The following MCC variants were observed in gnomAD, a reference collection of about 807,000 sequenced individuals.
MCC encodes colorectal mutant cancer protein.
In MCC, 90 loss-of-function variants were observed where a neutral mutation model predicts 116.2. That is an observed-to-expected ratio of 0.77 (90% confidence interval 0.65 to 0.92). The LOEUF is 0.92. MCC is among the 40% of genes least tolerant of loss of function. MCC has a pLI of 0.00. For synonymous variants in MCC, 578 were observed against 510.5 expected, an observed-to-expected ratio of 1.13 and a Z score of -1.78; for missense variants, 1,516 against 1,312.2, an observed-to-expected ratio of 1.16 and a Z score of -2.40.
intron 3 of MCC, among the ~76,000 whole-genome samples, chr5:113,273,108 AAAG>A (rs1765677076): frequency 6.6e-6 from 1 of 152,270 alleles, no homozygotes; most frequent in African/African-American, 2.4e-5. Flanking sequence ...AAGAAAAATA[AAAG>A]AATATCTTAA....
chr5:113,266,496 T>A (rs1440689713), intron 3 of MCC, among the ~76,000 whole-genome samples: 3 of 152,218 alleles, frequency 2.0e-5, no homozygotes, highest in African/African-American at 7.2e-5. Flanking sequence ...TTTGTATTTA[T>A]CTGGGAGAGG....
rs952192131 is a variant in MCC at position 113,434,696 on chromosome 5, G to C, written c.171-49484C>G. ...GGAATTTCTCCAAGAAGTCTGCGGG[G>C]GCCTTCTTGCGGTCGATGATCTTGA... On this transcript the variant is annotated intron_variant, in intron 1 of 18. Coordinates refer to ENST00000408903, the MANE Select transcript of MCC (RefSeq NM_001085377.2). The surrounding 1 kb of genome is among the most constrained non-coding windows in gnomAD (Gnocchi z 4.2). The C allele has an allele frequency of 3.7e-6, 6 of 1,613,874 alleles. No homozygotes were observed. Among genetic ancestry groups the C allele is most frequent in the Admixed American group, 1.7e-5 (1 of 59,998 alleles).
At chr5:113,092,259 G>T (rs892222613) in intron 8 of MCC, among the ~76,000 whole-genome samples, 5 of 152,168 alleles carry the variant, frequency 3.3e-5, no homozygotes, top group Non-Finnish European at 7.3e-5. Flanking sequence ...GAGGGAAGCA[G>T]GAGTGCCAGA....
At position 113,465,389 on chromosome 5, in the gene MCC, A is replaced by G. The variant is rs116398391; in HGVS notation, c.170+22856T>C. 5.8e-3 allele frequency among the ~76,000 whole-genome samples: 878 copies of G among 152,248 alleles called. 7 individuals carry two copies. The highest frequency in any genetic ancestry group is 0.02 in the African/African-American group (819 of 41,550). ...TCATATACACAAAAATTCCTGAGGC[A>G]TTAGATATTTAACTCCAAAATAAAC... On this transcript the variant is annotated intron_variant, in intron 1 of 18. Transcript: ENST00000408903.
At chr5:113,101,363 A>C in intron 8 of MCC, 1 of 187,748 alleles carries the variant, frequency 5.3e-6, no homozygotes, top group Non-Finnish European at 1.1e-5. Context: ...TTATAGAAAA[A>C]AATTAAAAAG....
At chr5:113,319,777 C>G (rs894776241) in intron 3 of MCC, among the ~76,000 whole-genome samples, 17 of 152,138 alleles carry the variant, frequency 1.1e-4, no homozygotes, top group Admixed American at 3.9e-4. Flanking sequence ...TATTGTTTAC[C>G]AGGCTTCCTG....
At chr5:113,056,827 G>C (rs976244056) in intron 14 of MCC, among the ~76,000 whole-genome samples, 4 of 152,184 alleles carry the variant, frequency 2.6e-5, no homozygotes, top group Non-Finnish European at 4.4e-5. Context: ...AAATATTGGA[G>C]TGCCTACTAT....
At chr5:113,294,338 C>G (rs1766633711) in intron 3 of MCC, 7 of 1,613,848 alleles carry the variant, frequency 4.3e-6, no homozygotes, top group Non-Finnish European at 5.9e-6. Flanking sequence ...CCTCACTCAG[C>G]TCGGCCGAGG....
Position 113,193,681 on chromosome 5 carries a change from TTC to T in MCC, c.628-42261_628-42260del, listed in dbSNP as rs1275275120. On this transcript the variant is annotated intron_variant, in intron 3 of 18. Transcript: ENST00000408903. ...AATAAAATTTGTTCCCCACCTCCAA[TTC>T]TGTTTCTCCTAGGAAACCGCTTCAT... is the stretch of plus-strand genomic sequence containing the variant. 2.0e-5 allele frequency among the ~76,000 whole-genome samples: 3 copies of T among 152,304 alleles called. No individual in the cohort carries two copies. The East Asian group carries it at 5.8e-4, about 29-fold the overall frequency.
At chr5:113,299,781 G>A (rs1488318105) in intron 3 of MCC, among the ~76,000 whole-genome samples, 1 of 152,206 alleles carries the variant, frequency 6.6e-6, no homozygotes, top group Non-Finnish European at 1.5e-5. Flanking sequence ...AGAGGTGTGG[G>A]CAGGAGGTGG....
At chr5:113,087,083 A>G (rs889514202) in intron 8 of MCC, among the ~76,000 whole-genome samples, 14 of 152,234 alleles carry the variant, frequency 9.2e-5, no homozygotes, top group Non-Finnish European at 1.6e-4. Flanking sequence ...CCTGCCGCCA[A>G]AAGTCTTCTA....
At chr5:113,299,290 CTCAAAAAAAAAAAA>C (rs1766791748) in intron 3 of MCC, among the ~76,000 whole-genome samples, 1 of 65,608 alleles carries the variant, frequency 1.5e-5, no homozygotes, top group African/African-American at 5.4e-5. Context: ...GAGACTCCGT[CTCAAAAAAAAAAAA>C]AAAAAAAAAA....
chr5:113,041,530 G>A (rs1010155899), intron 17 of MCC, among the ~76,000 whole-genome samples: 1 of 152,236 alleles, frequency 6.6e-6, no homozygotes, highest in Non-Finnish European at 1.5e-5. Flanking sequence ...TTGGCTACCA[G>A]AACAGGAGGG....
intron 3 of MCC, among the ~76,000 whole-genome samples, chr5:113,333,789 T>TTATA (rs754947221): frequency 9.9e-5 from 1 of 10,058 alleles, no homozygotes; most frequent in African/African-American, 1.8e-4. Flanking sequence ...TCATATATAT[T>TTATA]TATATATATA....
At chr5:113,488,187 A>G in intron 1 of MCC, 58 bp downstream of exon 1, 1 of 1,545,754 alleles carries the variant, frequency 6.5e-7, no homozygotes, top group Non-Finnish European at 8.7e-7. Flanking sequence ...GCAGGGGTCA[A>G]GGGCGCGCGG....
chr5:113,388,434 T>C (rs1769325095), intron 1 of MCC, among the ~76,000 whole-genome samples: 1 of 152,210 alleles, frequency 6.6e-6, no homozygotes, highest in Non-Finnish European at 1.5e-5. Flanking sequence ...TCTACAATGT[T>C]GGAGGTGGGG....
intron 17 of MCC, among the ~76,000 whole-genome samples, chr5:113,042,972 C>T (rs1406309996): frequency 6.6e-6 from 1 of 151,894 alleles, no homozygotes; most frequent in Admixed American, 6.6e-5. Flanking sequence ...CTGTAGCACC[C>T]GGGGAAAAAG....
chr5:113,313,078 G>A (rs1156258788), intron 3 of MCC, among the ~76,000 whole-genome samples: 1 of 152,132 alleles, frequency 6.6e-6, no homozygotes, highest in African/African-American at 2.4e-5. Flanking sequence ...CTGGCATGGT[G>A]ACTCATGCCT....
intron 8 of MCC, among the ~76,000 whole-genome samples, chr5:113,088,175 C>A (rs969176866): frequency 6.6e-6 from 1 of 151,964 alleles, no homozygotes. Flanking sequence ...GGAAACAAAC[C>A]CAGCTGAAGG....
Sources: gnomAD v4.1 joint callset for allele counts (sites outside exome capture counted in the v4.1 genomes callset) on GRCh38, gnomAD v4.1.1 for gene constraint, Gnocchi (gnomAD v3.1) non-coding constraint, MANE v1.5 for transcripts, NCBI Gene and HGNC (gene_info 2026-07-23, HGNC 2026-07-21) for gene names.